NUP133: variants seen among roughly 807,000 people sequenced by gnomAD.
NUP133 encodes the protein nuclear pore complex protein Nup133.
Under a neutral mutation model 146.2 loss-of-function variants are expected in NUP133, and 66 were observed. The ratio of observed to expected loss-of-function variants is 0.45; its 90% CI spans 0.37 to 0.55. The LOEUF (loss-of-function observed/expected upper bound fraction) is 0.55, where lower values mean the gene tolerates loss of function less well. Ranked by LOEUF, NUP133 falls within the 20% of genes least tolerant of loss-of-function variation. The probability of loss-of-function intolerance (pLI) is 0.00; values close to 1 mark genes in which losing one functional copy is unlikely to be tolerated. For missense variants in NUP133, 1,277 were observed against 1,374.8 expected (o/e 0.93, Z 1.12); for synonymous variants, 521 against 498.8 (o/e 1.04, Z -0.59).
chr1:229,496,333 G>C (rs777448701), intron 6 of NUP133, among the ~76,000 whole-genome samples: 1 of 152,144 alleles, frequency 6.6e-6, no homozygotes, highest in Non-Finnish European at 1.5e-5. Context: ...AAGTAGCCGG[G>C]TGTGGTGGCA....
intron 22 of NUP133, 75 bp downstream of exon 22, chr1:229,452,449 TA>T (rs1368740415): frequency 9.3e-7 from 1 of 1,078,060 alleles, no homozygotes; most frequent in East Asian, 2.6e-5. Context: ...TCTTAGGAAC[TA>T]TACTACATGG....
intron 14 of NUP133, among the ~76,000 whole-genome samples, chr1:229,471,352 A>G (rs1660950803): frequency 6.6e-6 from 1 of 152,130 alleles, no homozygotes; most frequent in Admixed American, 6.5e-5. Flanking sequence ...CCTGGCCACA[A>G]GCGAGCCTAC....
At chr1:229,502,967 G>C (rs1166760098) in intron 2 of NUP133, among the ~76,000 whole-genome samples, 1 of 151,672 alleles carries the variant, frequency 6.6e-6, no homozygotes, top group Non-Finnish European at 1.5e-5. Flanking sequence ...AAATAAGTAA[G>C]CAGAAACAAC....
At chr1:229,496,811 GTC>G (rs1382727703) in intron 6 of NUP133, among the ~76,000 whole-genome samples, 3 of 152,062 alleles carry the variant, frequency 2.0e-5, no homozygotes, top group South Asian at 2.1e-4. Flanking sequence ...CTGAGACCCT[GTC>G]TCTATTTTTA....
At chr1:229,475,853 T>A in intron 13 of NUP133, 121 bp from the exon 14 acceptor site, 1 of 728,900 alleles carries the variant, frequency 1.4e-6, no homozygotes, top group Non-Finnish European at 2.3e-6. Context: ...CTCACACCTG[T>A]AATCCGAGCA....
chr1:229,503,118 A>C (rs1179566721), intron 2 of NUP133, among the ~76,000 whole-genome samples: 26 of 151,824 alleles, frequency 1.7e-4, no homozygotes. Flanking sequence ...ATAGAAAAAA[A>C]AATTAGCCAG....
intron 21 of NUP133, among the ~76,000 whole-genome samples, chr1:229,455,823 A>G (rs1660546890): frequency 1.3e-5 from 2 of 152,346 alleles, no homozygotes; most frequent in South Asian, 4.1e-4. Flanking sequence ...TCAGGCTTAT[A>G]TAATTTAACA....
chr1:229,497,234 C>T (rs1466856917), intron 6 of NUP133, among the ~76,000 whole-genome samples: 3 of 152,098 alleles, frequency 2.0e-5, no homozygotes, highest in Non-Finnish European at 2.9e-5. Context: ...GTTAAATCTA[C>T]AGCACCTGGT....
rs537086589 is a variant in NUP133, at chr1:229,474,340, TG to T, written c.1851+1297del. On this transcript the variant is annotated intron_variant, in intron 14 of 25. Transcript: ENST00000261396. ...GGCAGTAATAGTTAACTGATACACT[TG>T]GCTAATTAAACGACCATATCGGGAG... Among the ~76,000 whole-genome samples, 5 of 152,218 alleles carry T rather than the reference TG, an allele frequency of 3.3e-5. No homozygotes were observed. The South Asian group carries it at 1.0e-3, about 31-fold the overall frequency.
chr1:229,457,640 T>C (rs181328331), intron 21 of NUP133, among the ~76,000 whole-genome samples: 4 of 152,236 alleles, frequency 2.6e-5, no homozygotes, highest in African/African-American at 9.6e-5. Context: ...TTTTGTTAAT[T>C]CTCTTGTTGT....
intron 21 of NUP133, among the ~76,000 whole-genome samples, chr1:229,454,764 C>G (rs904324311): frequency 6.6e-6 from 1 of 152,188 alleles, no homozygotes; most frequent in African/African-American, 2.4e-5. Flanking sequence ...TGATCTACCT[C>G]TGGTGGCCAG....
At chr1:229,474,150 T>C (rs1047272565) in intron 14 of NUP133, among the ~76,000 whole-genome samples, 1 of 152,168 alleles carries the variant, frequency 6.6e-6, no homozygotes, top group Non-Finnish European at 1.5e-5. Context: ...ATAGCCTCTG[T>C]TGACAGTTGG....
intron 2 of NUP133, 89 bp from the exon 3 acceptor site, chr1:229,502,191 C>T: frequency 2.3e-6 from 2 of 872,224 alleles, no homozygotes; most frequent in Non-Finnish European, 3.7e-6. Context: ...TTGGCACACT[C>T]AGAAACGACT....
chr1:229,458,049 G>A (rs1035219001), intron 21 of NUP133, 112 bp downstream of exon 21: 3 of 1,098,124 alleles, frequency 2.7e-6, no homozygotes, highest in African/African-American at 3.1e-5. Flanking sequence ...ATTCCTCTTA[G>A]AGACAGGTCC....
At position 229,465,515 on chromosome 1, in the gene NUP133, A is replaced by G. The variant is rs1283996055; in HGVS notation, c.2204T>C (p.Met735Thr). The change falls in exon 17 of 26, where the codon ATG (methionine) becomes ACG (threonine). Residue 735 changes from methionine (M) to threonine (T), a missense_variant. This residue lies in a region of NUP133 where 952 missense variants were observed against 1,047.0 expected (regional missense o/e 0.91). Transcript: ENST00000261396. ...GCGATAATGACTAGCAGCCTGCAGC[A>G]TATCCTGGAAAAAAAGTTAATGTGT... Reference protein sequence around the residue: ...VINVNNILKDMLQAASHYRQN... With the variant: ...VINVNNILKDTLQAASHYRQN... 6.2e-7 allele frequency: 1 copy of G among 1,612,348 alleles called. No individual in the cohort carries two copies. Among genetic ancestry groups the G allele is most frequent in the South Asian group, 1.1e-5 (1 of 91,042 alleles).
At chr1:229,472,419 G>A (rs4925489) in intron 14 of NUP133, among the ~76,000 whole-genome samples, 15,022 of 150,946 alleles carry the variant, frequency 0.1, 1,979 homozygotes, top group African/African-American at 0.3. Context: ...GTGAAGCAAT[G>A]GCTCTAGATT....
In NUP133 at chr1:229,444,946, A is replaced by T; in HGVS notation, c.3302T>A (p.Phe1101Tyr). 1 of 1,612,180 alleles carries T rather than the reference A, an allele frequency of 6.2e-7. No individual in the cohort carries two copies. Among genetic ancestry groups the T allele is most frequent in the Non-Finnish European group, 8.5e-7 (1 of 1,178,734 alleles). The stretch of plus-strand genomic sequence containing the variant: ...TAAAAGTTTCTGTAAGATCTTCACA[A>T]ATATACTGTCTTTAGATACTTCAAT... ...DPIEVSKDSI[F>Y]VKILQKLLKD... Residue 1101 changes from phenylalanine to tyrosine, a missense_variant, in exon 25 of 26, where the codon TTT becomes TAT. Phe to Tyr is a conservative substitution (Grantham distance 22). Transcript: ENST00000261396.
intron 12 of NUP133, among the ~76,000 whole-genome samples, chr1:229,478,090 G>A (rs1050370292): frequency 5.9e-5 from 9 of 151,906 alleles, no homozygotes; most frequent in Admixed American, 2.6e-4. Context: ...TTGTATGCCC[G>A]TATGAAAATA....
chr1:229,454,144 G>C (rs539254518), intron 21 of NUP133, among the ~76,000 whole-genome samples: 4 of 152,314 alleles, frequency 2.6e-5, no homozygotes, highest in African/African-American at 4.8e-5. Flanking sequence ...AGACCTGGAA[G>C]AATATACAGC....
Sources: allele counts gnomAD v4.1 joint callset (sites outside exome capture counted in the v4.1 genomes callset), GRCh38; gene constraint gnomAD v4.1.1; regional missense constraint gnomAD v4.1.1; transcripts MANE v1.5; gene names NCBI Gene and HGNC (gene_info 2026-07-23, HGNC 2026-07-21).